Variants in LIMK2 observed in about 807,000 individuals in gnomAD.
LIMK2 encodes the protein LIM domain kinase 2.
LIMK2 carries 35 observed loss-of-function variants against 75.7 expected under a neutral mutation model. The observed-to-expected ratio is 0.46, with a 90% confidence interval of 0.35 to 0.61. LIMK2 has a LOEUF of 0.61. Ranked by LOEUF, LIMK2 falls within the 20% of genes least tolerant of loss-of-function variation. LIMK2 has a pLI of 0.00. For missense variants in LIMK2, 623 were observed against 831.0 expected (o/e 0.75, Z 3.08); for synonymous variants, 301 against 319.2 (o/e 0.94, Z 0.61).
Position 31,262,041 on chromosome 22 carries a change from C to A in LIMK2, c.552-93C>A. 1.0e-6 allele frequency: 1 copy of A among 997,782 alleles called. No homozygotes were observed. Among genetic ancestry groups the A allele is most frequent in the Non-Finnish European group, 1.6e-6 (1 of 625,558 alleles). 61.8% of individuals were successfully genotyped at this position (997,782 alleles called of 1,614,324 possible). Reference sequence around the variant, plus strand: ...TGGGCCCCTTAGGGGCCACTGGTGGCCTGGGACCTGGTAAACCTTCCCTGC... The same window carrying A: ...TGGGCCCCTTAGGGGCCACTGGTGGACTGGGACCTGGTAAACCTTCCCTGC... On this transcript the variant is annotated intron_variant, in intron 5 of 15. Coordinates refer to ENST00000331728, the MANE Select transcript of LIMK2 (RefSeq NM_005569.4). This position sits in a 1 kb window ranked among gnomAD's most constrained non-coding sequence, Gnocchi z 5.0.
Position 31,267,861 on chromosome 22 carries a change from CA to C in LIMK2, c.1215del (p.Glu406SerfsTer8). 2 of 1,612,918 alleles carry C rather than the reference CA, an allele frequency of 1.2e-6. No individual in the cohort carries two copies. The highest frequency in any genetic ancestry group is 1.7e-6 in the Non-Finnish European group (2 of 1,179,452). ...LYKDKKLNLL[T>X]EYIEGGTLKD... ...AAGGATAAGAAGCTGAACCTCCTGA[CA>C]GAGTACATTGAGGGGGGCACACTGA... On this transcript the variant is annotated frameshift_variant, in exon 10 of 16. Transcript: ENST00000331728. LOFTEE classifies it high-confidence loss of function.
chr22:31,274,044 A>G (rs535325945), intron 14 of LIMK2, among the ~76,000 whole-genome samples: 2 of 149,724 alleles, frequency 1.3e-5, no homozygotes, highest in African/African-American at 4.9e-5. Context: ...GAGGCTTGGA[A>G]GAGGGCAGTG....
intron 1 of LIMK2, among the ~76,000 whole-genome samples, chr22:31,222,392 T>TA (rs1389970423): frequency 4.6e-4 from 64 of 138,622 alleles, no homozygotes; most frequent in Admixed American, 1.0e-3. Context: ...TTTTTTTTTT[T>TA]TTTTTTTGAG....
chr22:31,259,858 C>A, intron 4 of LIMK2, 31 bp from the exon 5 acceptor site: 2 of 1,577,628 alleles, frequency 1.3e-6, no homozygotes, highest in Non-Finnish European at 8.6e-7. Context: ...GGGACTCTAG[C>A]ATCTTATTCC....
At chr22:31,246,179 G>GCACGCACACACACACA (rs2048667087) in intron 2 of LIMK2, among the ~76,000 whole-genome samples, 3 of 69,824 alleles carry the variant, frequency 4.3e-5, no homozygotes, top group Admixed American at 1.3e-4. Context: ...ACACACGCAC[G>GCACGCACACACACACA]CACGCACACA....
intron 14 of LIMK2, 86 bp from the exon 15 acceptor site, chr22:31,275,065 C>A: frequency 1.5e-6 from 2 of 1,301,240 alleles, no homozygotes; most frequent in Non-Finnish European, 2.2e-6. Flanking sequence ...GCCATTCTTC[C>A]TGTCCACATC....
At chr22:31,256,686 A>C (rs1156765653) in intron 2 of LIMK2, among the ~76,000 whole-genome samples, 1 of 152,140 alleles carries the variant, frequency 6.6e-6, no homozygotes, top group Non-Finnish European at 1.5e-5. Flanking sequence ...TTTTCACAGC[A>C]GTTCATTTTA....
At chr22:31,277,348 G>T in intron 15 of LIMK2, 2 of 1,373,414 alleles carry the variant, frequency 1.5e-6, no homozygotes, top group Non-Finnish European at 1.9e-6. Context: ...GGGACTTTGT[G>T]TTTTTATATT....
chr22:31,242,260 C>T (rs942098171), intron 2 of LIMK2, among the ~76,000 whole-genome samples: 1 of 152,236 alleles, frequency 6.6e-6, no homozygotes, highest in Non-Finnish European at 1.5e-5. Flanking sequence ...AGCTCCTTTT[C>T]TAAGTGCTTA....
Position 31,212,330 on chromosome 22 carries a change from G to GCTGAGGGGAGTTGTAGGGAA in LIMK2, c.-68_-49dup, listed in dbSNP as rs2048353439. 7.7e-7 allele frequency: 1 copy of GCTGAGGGGAGTTGTAGGGAA among 1,295,172 alleles called. No homozygotes were observed. Among genetic ancestry groups the GCTGAGGGGAGTTGTAGGGAA allele is most frequent in the Non-Finnish European group, 9.9e-7 (1 of 1,009,590 alleles). The allele number at this position is 1,295,172 out of a possible 1,614,324, so 80.2% of individuals were successfully genotyped here. On this transcript the variant is annotated 5_prime_UTR_variant, in exon 1 of 16. Coordinates refer to ENST00000331728, the MANE Select transcript of LIMK2 (RefSeq NM_005569.4). ...CGCGCCTGAGGCGGCGGCGGCAGGA[G>GCTGAGGGGAGTTGTAGGGAA]CTGAGGGGAGTTGTAGGGAACTGAG...
chr22:31,258,524 C>T (rs1335923599), intron 3 of LIMK2, 98 bp downstream of exon 3: 2 of 1,219,588 alleles, frequency 1.6e-6, no homozygotes, highest in Admixed American at 2.2e-5. Context: ...GTCTTTCCAT[C>T]AGCCAGGGCA....
chr22:31,247,267 C>T (rs933885848), intron 2 of LIMK2, among the ~76,000 whole-genome samples: 1 of 152,178 alleles, frequency 6.6e-6, no homozygotes, highest in African/African-American at 2.4e-5. Context: ...ATCCTGCAGG[C>T]AGGGAGACAA....
chr22:31,263,622 T>TGTTC (rs2048862712), intron 7 of LIMK2, among the ~76,000 whole-genome samples: 1 of 152,030 alleles, frequency 6.6e-6, no homozygotes, highest in African/African-American at 2.4e-5. Flanking sequence ...GGAGGATGGC[T>TGTTC]TGAACACAGG....
intron 2 of LIMK2, among the ~76,000 whole-genome samples, chr22:31,257,508 T>C (rs904227242): frequency 1.3e-5 from 2 of 152,200 alleles, no homozygotes; most frequent in African/African-American, 2.4e-5. Flanking sequence ...AAGTCAGATA[T>C]CATTACATCT....
At chr22:31,268,081 G>A in intron 10 of LIMK2, 63 bp from the exon 11 acceptor site, 1 of 1,559,556 alleles carries the variant, frequency 6.4e-7, no homozygotes, top group Non-Finnish European at 8.8e-7. Flanking sequence ...ATTGACCCAT[G>A]GGGCCTGGAC....
At chr22:31,224,299 C>G (rs1457181112) in intron 1 of LIMK2, among the ~76,000 whole-genome samples, 1 of 152,204 alleles carries the variant, frequency 6.6e-6, no homozygotes. Context: ...GCTCACACAA[C>G]CCTTCACCCT....
intron 4 of LIMK2, 35 bp downstream of exon 4, chr22:31,259,265 A>C: frequency 1.5e-6 from 2 of 1,363,642 alleles, no homozygotes; most frequent in Non-Finnish European, 2.1e-6. Context: ...CCTCTCCCAT[A>C]TAAGAGTGGC....
intron 1 of LIMK2, among the ~76,000 whole-genome samples, chr22:31,220,501 C>G (rs1193422481): frequency 6.6e-6 from 1 of 152,158 alleles, no homozygotes; most frequent in Non-Finnish European, 1.5e-5. Flanking sequence ...GTTCTTACAC[C>G]TTAGTTCTCT....
At chr22:31,242,517 G>C (rs763627272) in intron 2 of LIMK2, among the ~76,000 whole-genome samples, 1 of 152,152 alleles carries the variant, frequency 6.6e-6, no homozygotes, top group Admixed American at 6.5e-5. Context: ...TTCCATCACT[G>C]TGCCAACATA....
Sources: gnomAD v4.1 joint callset for allele counts (sites outside exome capture counted in the v4.1 genomes callset) on GRCh38, gnomAD v4.1.1 for gene constraint, Gnocchi (gnomAD v3.1) non-coding constraint, MANE v1.5 for transcripts, NCBI Gene and HGNC (gene_info 2026-07-23, HGNC 2026-07-21) for gene names.